The following FHAD1 variants were observed in gnomAD, a reference collection of about 807,000 sequenced individuals.
FHAD1 encodes forkhead associated phosphopeptide binding domain 1.
FHAD1 carries 146 observed loss-of-function variants against 191.3 expected under a neutral mutation model. The observed-to-expected ratio is 0.76, with a 90% CI of 0.67 to 0.88. The LOEUF is 0.88. FHAD1 is among the 40% of genes least tolerant of loss of function. FHAD1 has a pLI of 0.00. For synonymous variants in FHAD1, 616 were observed against 672.3 expected, an observed-to-expected ratio of 0.92 and a Z score of 1.29; for missense variants, 1,635 against 1,785.8, an observed-to-expected ratio of 0.92 and a Z score of 1.52.
intron 18 of FHAD1, among the ~76,000 whole-genome samples, chr1:15,347,542 C>T (rs760573252): frequency 9.9e-5 from 15 of 152,174 alleles, no homozygotes; most frequent in Non-Finnish European, 1.8e-4. Context: ...CTCTGCCTCC[C>T]GGGTTCAAAC....
chr1:15,241,012 C>T (rs10803372), intron 1 of FHAD1, among the ~76,000 whole-genome samples: 127,677 of 150,256 alleles, frequency 0.85, 54,622 homozygotes, highest in East Asian at 0.95. Context: ...GATTTATCCC[C>T]AGTTGAGGCT....
In FHAD1 at chr1:15,311,893, C is replaced by A. The variant is rs1029047452; in HGVS notation, c.1040-1164C>A. Among the ~76,000 whole-genome samples, 1 of 152,186 alleles carries A rather than the reference C, an allele frequency of 6.6e-6. No homozygotes were observed. The highest frequency in any genetic ancestry group is 2.1e-4 in the South Asian group (1 of 4,830). On this transcript the variant is annotated intron_variant, in intron 7 of 33. Coordinates refer to ENST00000688493, the MANE Select transcript of FHAD1 (RefSeq NM_001391957.1). This position sits in a 1 kb window ranked among gnomAD's most constrained non-coding sequence, Gnocchi z 4.1. ...ACTTAGTCTGGCTCAGGGTCTCTCA[C>A]GAGGTTGCAGGAGCTACTGCTGTCA... is the stretch of plus-strand genomic sequence containing the variant.
intron 28 of FHAD1, among the ~76,000 whole-genome samples, chr1:15,380,490 A>G (rs1700660325): frequency 6.6e-6 from 1 of 152,238 alleles, no homozygotes; most frequent in South Asian, 2.1e-4. Context: ...GTATAATTAC[A>G]GAGACTTCAA....
At chr1:15,326,794 G>T (rs1678817685) in intron 11 of FHAD1, 1 of 318,572 alleles carries the variant, frequency 3.1e-6, no homozygotes, top group Non-Finnish European at 5.7e-6. Flanking sequence ...GCTCTTCTGA[G>T]GGTTTGAGAC....
intron 5 of FHAD1, among the ~76,000 whole-genome samples, chr1:15,300,177 AT>A (rs901083560): frequency 6.6e-6 from 1 of 151,982 alleles, no homozygotes; most frequent in African/African-American, 2.4e-5. Context: ...AGTTTGGGGG[AT>A]TTTTTCCCCC....
chr1:15,347,357 C>T (rs1167860257), intron 18 of FHAD1, among the ~76,000 whole-genome samples: 1 of 152,204 alleles, frequency 6.6e-6, no homozygotes, highest in South Asian at 2.1e-4. Context: ...GGTCACCCCG[C>T]GTCTGTTAAA....
intron 1 of FHAD1, 76 bp from the exon 2 acceptor site, chr1:15,251,695 C>A (rs541191814): frequency 1.8e-6 from 2 of 1,137,920 alleles, no homozygotes; most frequent in African/African-American, 1.6e-5. Flanking sequence ...TTATTTCATT[C>A]ATTTTAAGTA....
intron 25 of FHAD1, among the ~76,000 whole-genome samples, chr1:15,368,811 C>G (rs766302862): frequency 1.3e-5 from 2 of 152,150 alleles, no homozygotes; most frequent in Non-Finnish European, 2.9e-5. Context: ...TGTGGTGGTG[C>G]ATGCCTGTCC....
At chr1:15,288,546 G>T (rs1663321195) in intron 3 of FHAD1, among the ~76,000 whole-genome samples, 1 of 152,250 alleles carries the variant, frequency 6.6e-6, no homozygotes, top group South Asian at 2.1e-4. Flanking sequence ...GACAGAAAGA[G>T]AAAAGGCTGT....
intron 3 of FHAD1, among the ~76,000 whole-genome samples, chr1:15,281,433 G>A (rs1195778454): frequency 1.3e-5 from 2 of 152,212 alleles, no homozygotes; most frequent in East Asian, 3.9e-4. Flanking sequence ...GTAACTCAAA[G>A]GTCCCTTAAA....
At chr1:15,343,303 G>A (rs913697048) in intron 16 of FHAD1, among the ~76,000 whole-genome samples, 9 of 152,098 alleles carry the variant, frequency 5.9e-5, no homozygotes, top group Non-Finnish European at 8.8e-5. Flanking sequence ...CCACGGTTGC[G>A]AGCCACTGTT....
intron 2 of FHAD1, among the ~76,000 whole-genome samples, chr1:15,261,916 C>T (rs189628376): frequency 1.6e-4 from 25 of 152,210 alleles, no homozygotes; most frequent in South Asian, 6.2e-4. Context: ...GAAGATCACT[C>T]GAGCCCAGGG....
At chr1:15,277,200 G>A (rs1405377612) in intron 3 of FHAD1, among the ~76,000 whole-genome samples, 1 of 152,098 alleles carries the variant, frequency 6.6e-6, no homozygotes, top group African/African-American at 2.4e-5. Flanking sequence ...ATGACTTCTG[G>A]ATGCAGTCCT....
In FHAD1 at chr1:15,316,342, C is replaced by T. The variant is rs903222593; in HGVS notation, c.1171-36C>T. The stretch of plus-strand genomic sequence containing the variant: ...TCCCCCGACAACCCTACCTGGCCAA[C>T]GTTGGCCTCTTTCTGTGTTGCCCTT... On this transcript the variant is annotated intron_variant, in intron 8 of 33. Transcript: ENST00000688493. This position sits in a 1 kb window ranked among gnomAD's most constrained non-coding sequence, Gnocchi z 4.3. 5.1e-5 allele frequency: 78 copies of T among 1,532,870 alleles called. No homozygotes were observed. The highest frequency in any genetic ancestry group is 6.3e-5 in the Non-Finnish European group (71 of 1,130,920). The allele number at this position is 1,532,870 out of a possible 1,614,324, so 95.0% of individuals were successfully genotyped here.
chr1:15,238,685 A>G (rs1322146959), intron 1 of FHAD1, among the ~76,000 whole-genome samples: 2 of 152,188 alleles, frequency 1.3e-5, no homozygotes, highest in Non-Finnish European at 2.9e-5. Flanking sequence ...CTCCTTCCCC[A>G]GGCCCAACTG....
chr1:15,301,410 A>G lies in FHAD1; in HGVS notation c.884A>G (p.Lys295Arg), dbSNP rs181294222. ...CQVLDEDIDA[K>R]QKEIQSLKSQ... The stretch of plus-strand genomic sequence containing the variant: ...GTTCTGGATGAAGACATCGATGCCA[A>G]ACAGAAAGAGATCCAGAGCTTGAAA... The change falls in exon 6 of 34, where the codon AAA becomes AGA. Residue 295 changes from lysine (K) to arginine (R), a missense_variant. Transcript: ENST00000688493. 1.4e-5 allele frequency: 22 copies of G among 1,551,756 alleles called. No homozygotes were observed. Among genetic ancestry groups the G allele is most frequent in the Admixed American group, 2.0e-5 (1 of 50,994 alleles).
At chr1:15,359,662 A>G (rs1199149244) in intron 21 of FHAD1, among the ~76,000 whole-genome samples, 2 of 152,158 alleles carry the variant, frequency 1.3e-5, no homozygotes, top group Admixed American at 1.3e-4. Flanking sequence ...AGCCTGGCCA[A>G]CATGGCAAAA....
Position 15,316,531 on chromosome 1 carries a change from T to C in FHAD1, c.1260+64T>C. 7.2e-7 allele frequency: 1 copy of C among 1,391,344 alleles called. No individual in the cohort carries two copies. Among genetic ancestry groups the C allele is most frequent in the South Asian group, 1.2e-5 (1 of 80,418 alleles). 86.2% of individuals were successfully genotyped at this position (1,391,344 alleles called of 1,614,324 possible). On this transcript the variant is annotated intron_variant, in intron 9 of 33. Transcript: ENST00000688493. The surrounding 1 kb of genome is among the most constrained non-coding windows in gnomAD (Gnocchi z 4.3). ...AAACAGAGTTTGACCTTGAGGTTCT[T>C]GGTGGGATCCTGGGCCATCACTAAG...
At chr1:15,240,093 A>C (rs1328881229) in intron 1 of FHAD1, among the ~76,000 whole-genome samples, 1 of 152,188 alleles carries the variant, frequency 6.6e-6, no homozygotes, top group Non-Finnish European at 1.5e-5. Flanking sequence ...GATGGGATGT[A>C]ATTTCTGTGA....
Sources: allele counts gnomAD v4.1 joint callset (sites outside exome capture counted in the v4.1 genomes callset), GRCh38; gene constraint gnomAD v4.1.1; non-coding constraint Gnocchi (gnomAD v3.1); transcripts MANE v1.5; gene names NCBI Gene and HGNC (gene_info 2026-07-23, HGNC 2026-07-21).